SDHA: variants seen among roughly 807,000 people sequenced by gnomAD.
SDHA encodes the protein succinate dehydrogenase complex flavoprotein subunit A.
Under a neutral mutation model 78.4 loss-of-function variants are expected in SDHA, and 48 were observed. The observed-to-expected ratio is 0.61, with a 90% CI of 0.49 to 0.78. The LOEUF (loss-of-function observed/expected upper bound fraction) is 0.78. SDHA is among the 30% of genes least tolerant of loss of function. The pLI is 0.00. For missense variants in SDHA, 680 were observed against 892.7 expected (o/e 0.76, Z 3.04); for synonymous variants, 326 against 353.9 (o/e 0.92, Z 0.88).
intron 6 of SDHA, among the ~76,000 whole-genome samples, chr5:229,223 A>G (rs1207818703): frequency 6.6e-6 from 1 of 152,240 alleles, no homozygotes; most frequent in Non-Finnish European, 1.5e-5. Flanking sequence ...CTCAAAATTC[A>G]TAGGACTACT....
chr5:267,087 T>A, the SDHA span, among the ~76,000 whole-genome samples: 6,932 of 152,344 alleles, frequency 0.046, 213 homozygotes, highest in East Asian at 0.099. Flanking sequence ...AGCACCTAGC[T>A]GATAGATTGT....
At chr5:268,159 T>G in the SDHA span, among the ~76,000 whole-genome samples, 21 of 151,864 alleles carry the variant, frequency 1.4e-4, no homozygotes, top group Admixed American at 2.0e-4. Flanking sequence ...TACATTCATA[T>G]GAGTATGCAC....
At chr5:242,143 G>T (rs1014467097) in intron 11 of SDHA, among the ~76,000 whole-genome samples, 1 of 152,166 alleles carries the variant, frequency 6.6e-6, no homozygotes, top group South Asian at 2.1e-4. Flanking sequence ...GGATTTTTCT[G>T]CTGAGTCTGG....
intron 2 of SDHA, 32 bp from the exon 3 acceptor site, chr5:224,328 A>C (rs753030962): frequency 9.3e-6 from 15 of 1,608,570 alleles, no homozygotes; most frequent in Non-Finnish European, 1.3e-5. Flanking sequence ...ATAGTGGAAC[A>C]TGTGATTGAC....
At chr5:238,683 G>A (rs1328963578) in intron 10 of SDHA, among the ~76,000 whole-genome samples, 4 of 152,232 alleles carry the variant, frequency 2.6e-5, no homozygotes, top group African/African-American at 9.6e-5. Context: ...CTGAGGCTGG[G>A]TGCAGTGGCT....
chr5:230,246 GA>G (rs1258349239), intron 6 of SDHA, among the ~76,000 whole-genome samples: 4 of 151,830 alleles, frequency 2.6e-5, no homozygotes, highest in Admixed American at 6.6e-5. Context: ...ATCTGGGGGA[GA>G]AAAAAATCCA....
intron 10 of SDHA, among the ~76,000 whole-genome samples, chr5:239,052 A>G (rs1473712597): frequency 7.2e-6 from 1 of 138,062 alleles, no homozygotes; most frequent in Admixed American, 7.1e-5. Flanking sequence ...CATTATTATC[A>G]AAAGGAAGAG....
chr5:241,808 A>C (rs372545953), intron 11 of SDHA, among the ~76,000 whole-genome samples: 32 of 152,348 alleles, frequency 2.1e-4, no homozygotes, highest in African/African-American at 7.0e-4. Context: ...TCTTCAAGTG[A>C]AGCTGGGCTT....
At chr5:234,620 T>C (rs1735649333) in intron 8 of SDHA, 1 of 175,500 alleles carries the variant, frequency 5.7e-6, no homozygotes, top group South Asian at 1.4e-4. Context: ...TTACGTAGCA[T>C]TTACATTGTA....
At chr5:242,223 A>T (rs1240748072) in intron 11 of SDHA, among the ~76,000 whole-genome samples, 3 of 152,244 alleles carry the variant, frequency 2.0e-5, no homozygotes, top group Non-Finnish European at 4.4e-5. Flanking sequence ...AATGTGGCCC[A>T]AAACTGACCA....
chr5:238,553 A>T (rs1735929592), intron 10 of SDHA, among the ~76,000 whole-genome samples: 1 of 151,942 alleles, frequency 6.6e-6, no homozygotes. Flanking sequence ...AATGTTTTGT[A>T]GGGACAGGGT....
At chr5:221,065 G>A (rs568445526) in intron 1 of SDHA, among the ~76,000 whole-genome samples, 2 of 152,088 alleles carry the variant, frequency 1.3e-5, no homozygotes, top group East Asian at 1.9e-4. Context: ...CGCCCGCCTC[G>A]GTCTCCCAAA....
the SDHA span, among the ~76,000 whole-genome samples, chr5:264,147 T>C: frequency 2.0e-5 from 3 of 152,316 alleles, no homozygotes; most frequent in Non-Finnish European, 4.4e-5. Context: ...GTGGTTGCTG[T>C]GGAGGACAGG....
chr5:260,880 C>T (rs369024135), downstream of SDHA, among the ~76,000 whole-genome samples: 3 of 3,220 alleles, frequency 9.3e-4, no homozygotes, highest in East Asian at 6.5e-3. Context: ...GCCTCCCGTC[C>T]GAGCATTACC....
At chr5:262,602 C>T in the SDHA span, among the ~76,000 whole-genome samples, 1 of 152,206 alleles carries the variant, frequency 6.6e-6, no homozygotes, top group Non-Finnish European at 1.5e-5. Context: ...CATCCCCACA[C>T]TTGTCCGTGG....
rs763578369 is a variant in SDHA at position 225,925 on chromosome 5, A to C, written c.499A>C (p.Lys167Gln). The change falls in exon 5 of 15, where the codon AAG becomes CAG. Residue 167 changes from lysine to glutamine, a missense_variant. Lys to Gln is a moderately conservative substitution (Grantham distance 53). Coordinates refer to ENST00000264932, the MANE Select transcript of SDHA (RefSeq NM_004168.4). ...GMPFSRTEDG[K>Q]IYQRAFGGQS... is the part of the protein sequence containing the mutation. ...GCCGTTTAGCAGAACTGAAGATGGGAAGATTTATCAGCGTGCATTTGGTGG... is the reference window on the plus strand; with the variant it reads ...GCCGTTTAGCAGAACTGAAGATGGGCAGATTTATCAGCGTGCATTTGGTGG... 2.2e-5 allele frequency: 36 copies of C among 1,613,448 alleles called. No individual in the cohort carries two copies. Among genetic ancestry groups the C allele is most frequent in the Non-Finnish European group, 3.1e-5 (36 of 1,179,998 alleles).
intron 1 of SDHA, among the ~76,000 whole-genome samples, chr5:222,653 T>C (rs1025089389): frequency 2.0e-5 from 3 of 152,118 alleles, no homozygotes; most frequent in African/African-American, 7.2e-5. Flanking sequence ...AAAACTATTC[T>C]TGATGATATT....
At chr5:250,776 T>G in intron 11 of SDHA, 1 of 547,678 alleles carries the variant, frequency 1.8e-6, no homozygotes. Context: ...GTCTAAGATG[T>G]GTATGTAATA....
At chr5:262,511 G>A in the SDHA span, among the ~76,000 whole-genome samples, 2 of 152,006 alleles carry the variant, frequency 1.3e-5, no homozygotes, top group East Asian at 1.9e-4. Flanking sequence ...CACATGCGAA[G>A]GATCTAGGTT....
Sources: allele counts gnomAD v4.1 joint callset (sites outside exome capture counted in the v4.1 genomes callset), GRCh38; gene constraint gnomAD v4.1.1; transcripts MANE v1.5; gene names NCBI Gene and HGNC (gene_info 2026-07-23, HGNC 2026-07-21).